GRM7: variants seen among roughly 807,000 people sequenced by gnomAD.
The protein encoded by GRM7 is glutamate metabotropic receptor 7, also known as metabotropic glutamate receptor 7.
Under a neutral mutation model 84.5 loss-of-function variants are expected in GRM7, and 35 were observed. The observed-to-expected ratio is 0.41, with a 90% CI of 0.32 to 0.55. The LOEUF (loss-of-function observed/expected upper bound fraction) is 0.55, where lower values mean the gene tolerates loss of function less well. GRM7 is among the 20% of genes least tolerant of loss of function. The probability of loss-of-function intolerance (pLI) is 0.19; values close to 1 mark genes in which losing one functional copy is unlikely to be tolerated. For synonymous variants in GRM7, 487 were observed against 455.1 expected (o/e 1.07, Z -0.89); for missense variants, 1,003 against 1,194.6 (o/e 0.84, Z 2.36).
intron 7 of GRM7, among the ~76,000 whole-genome samples, chr3:7,572,139 G>T (rs889471183): frequency 5.9e-5 from 9 of 152,156 alleles, no homozygotes; most frequent in African/African-American, 1.9e-4. Flanking sequence ...TATCACCAGA[G>T]AAGTGGTTTT....
chr3:7,503,922 A>C (rs1699962268), intron 7 of GRM7, among the ~76,000 whole-genome samples: 1 of 152,210 alleles, frequency 6.6e-6, no homozygotes, highest in Admixed American at 6.5e-5. Context: ...ACATGCTACC[A>C]AACTAACAAT....
intron 4 of GRM7, among the ~76,000 whole-genome samples, chr3:7,339,317 T>G (rs1024025316): frequency 9.9e-5 from 15 of 152,162 alleles, no homozygotes; most frequent in African/African-American, 3.1e-4. Context: ...GTTTCATTGC[T>G]GGTTTGCCCC....
intron 4 of GRM7, among the ~76,000 whole-genome samples, chr3:7,376,639 A>T (rs1694363226): frequency 6.6e-6 from 1 of 152,334 alleles, no homozygotes; most frequent in African/African-American, 2.4e-5. Context: ...TGTGTATGTC[A>T]ATAAGTTTTA....
intron 7 of GRM7, among the ~76,000 whole-genome samples, chr3:7,487,040 G>A (rs141712059): frequency 1.4e-3 from 215 of 152,274 alleles, no homozygotes; most frequent in African/African-American, 4.9e-3. Flanking sequence ...TAAAAATAAG[G>A]AGTATCTTAT....
Position 6,959,622 on chromosome 3 carries a change from G to T in GRM7, c.519+97715G>T, listed in dbSNP as rs557331419. ...ATTACCCCATCTGACCTCATTAAGG[G>T]TTGCAGTTACCATGTTTAGTTACAA... is the stretch of plus-strand genomic sequence containing the variant. On this transcript the variant is annotated intron_variant, in intron 1 of 9. Transcript: ENST00000357716. Among the ~76,000 whole-genome samples the T allele has an allele frequency of 8.9e-4, 135 of 152,206 alleles. 1 individual carries two copies. The highest frequency in any genetic ancestry group is 3.2e-3 in the African/African-American group (131 of 41,544).
chr3:7,474,272 G>T (rs538119531), intron 7 of GRM7, among the ~76,000 whole-genome samples: 1 of 152,166 alleles, frequency 6.6e-6, no homozygotes, highest in Non-Finnish European at 1.5e-5. Flanking sequence ...CATGTCCTAA[G>T]TAGGGGCTTT....
At chr3:7,408,090 G>T (rs937769097) in intron 4 of GRM7, among the ~76,000 whole-genome samples, 1 of 152,124 alleles carries the variant, frequency 6.6e-6, no homozygotes, top group Admixed American at 6.5e-5. Flanking sequence ...ATTTGCTCAA[G>T]GTCATCTAGC....
chr3:7,454,994 G>C (rs919857425), intron 6 of GRM7, among the ~76,000 whole-genome samples: 3 of 152,036 alleles, frequency 2.0e-5, no homozygotes, highest in African/African-American at 7.2e-5. Context: ...GGCTAGGGCA[G>C]GGAAAGTCCA....
At chr3:6,884,776 T>G (rs1459251594) in intron 1 of GRM7, among the ~76,000 whole-genome samples, 1 of 152,102 alleles carries the variant, frequency 6.6e-6, no homozygotes, top group African/African-American at 2.4e-5. Context: ...ATTTTTGTAT[T>G]TTAAGTAGAG....
intron 1 of GRM7, among the ~76,000 whole-genome samples, chr3:7,073,246 A>C (rs1697948453): frequency 6.6e-6 from 1 of 151,838 alleles, no homozygotes; most frequent in Non-Finnish European, 1.5e-5. Flanking sequence ...TCCAAGATAC[A>C]AAAAAAGCAT....
rs562686525 is a variant in GRM7 at position 7,445,646 on chromosome 3, C to T, written c.1175-6961C>T. Reference sequence around the variant, plus strand: ...TGACTTTGCTTCTACTGATAATTCTCACAAGGCCATAGGATTTTACTCTGG... The same window carrying T: ...TGACTTTGCTTCTACTGATAATTCTTACAAGGCCATAGGATTTTACTCTGG... On this transcript the variant is annotated intron_variant, in intron 5 of 9. Transcript: ENST00000357716. 4.6e-5 allele frequency among the ~76,000 whole-genome samples: 7 copies of T among 152,260 alleles called. No individual in the cohort carries two copies. The East Asian group carries it at 7.7e-4, about 17-fold the overall frequency.
intron 6 of GRM7, 71 bp downstream of exon 6, chr3:7,452,878 CTAT>C (rs1697834279): frequency 1.1e-6 from 1 of 910,766 alleles, no homozygotes; most frequent in African/African-American, 1.7e-5. Context: ...TTTTAAATGT[CTAT>C]TATTATTTAC....
intron 1 of GRM7, among the ~76,000 whole-genome samples, chr3:6,921,221 A>G (rs1335986418): frequency 6.6e-6 from 1 of 152,230 alleles, no homozygotes; most frequent in Non-Finnish European, 1.5e-5. Flanking sequence ...AGCATGCCCA[A>G]TGTGAAAAGT....
intron 2 of GRM7, among the ~76,000 whole-genome samples, chr3:7,184,256 T>C (rs1383591427): frequency 6.6e-6 from 1 of 152,090 alleles, no homozygotes; most frequent in Non-Finnish European, 1.5e-5. Flanking sequence ...AAGTAAAAAT[T>C]TGTGAGTTTA....
chr3:7,103,800 TTCTTTCTTTCTTTCTTTCTC>T (rs1284953538), intron 1 of GRM7, among the ~76,000 whole-genome samples: 42 of 110,354 alleles, frequency 3.8e-4, no homozygotes, highest in African/African-American at 2.0e-3. Flanking sequence ...CTTTCTTTCT[TTCTTTCTTTCTTTCTTTCTC>T]TCTCTCTCTG....
chr3:7,146,694 C>A (rs370677852), intron 2 of GRM7, 26 bp downstream of exon 2: 5 of 1,537,140 alleles, frequency 3.3e-6, no homozygotes, highest in Non-Finnish European at 4.5e-6. Context: ...TCTGATCAAG[C>A]TGGCTCTCTT....
chr3:7,694,103 G>T (rs1344879703), intron 9 of GRM7, among the ~76,000 whole-genome samples: 3 of 152,108 alleles, frequency 2.0e-5, no homozygotes, highest in Admixed American at 6.6e-5. Flanking sequence ...TACAGGAAAA[G>T]AAAATCAAAT....
chr3:7,016,640 G>T (rs2124904477), intron 1 of GRM7, among the ~76,000 whole-genome samples: 1 of 152,330 alleles, frequency 6.6e-6, no homozygotes, highest in South Asian at 2.1e-4. Flanking sequence ...CCGTGGAACA[G>T]TTGGGCCAGT....
intron 2 of GRM7, among the ~76,000 whole-genome samples, chr3:7,295,815 A>G (rs1296800399): frequency 6.8e-6 from 1 of 147,452 alleles, no homozygotes; most frequent in Non-Finnish European, 1.5e-5. Flanking sequence ...AGATTTTTTG[A>G]TAGCTTTTTT....
Sources: allele counts gnomAD v4.1 joint callset (sites outside exome capture counted in the v4.1 genomes callset), GRCh38; gene constraint gnomAD v4.1.1; transcripts MANE v1.5; gene names NCBI Gene and HGNC (gene_info 2026-07-23, HGNC 2026-07-21).